CSMD1: variants seen among roughly 807,000 people sequenced by gnomAD.
The protein encoded by CSMD1 is CUB and sushi domain-containing protein 1.
Under a neutral mutation model 417.5 loss-of-function variants are expected in CSMD1, and 213 were observed. The ratio of observed to expected loss-of-function variants is 0.51; its 90% confidence interval spans 0.46 to 0.57. CSMD1 has a LOEUF of 0.57. Ranked by LOEUF, CSMD1 falls within the 20% of genes least tolerant of loss-of-function variation. CSMD1 has a pLI of 0.00. For missense variants in CSMD1, 6,923 were observed against 4,529.7 expected (o/e 1.53, Z -15.17); for synonymous variants, 2,862 against 1,736.8 (o/e 1.65, Z -16.11).
At chr8:3,617,948 G>C (rs1167196434) in intron 7 of CSMD1, among the ~76,000 whole-genome samples, 1 of 152,122 alleles carries the variant, frequency 6.6e-6, no homozygotes, top group East Asian at 1.9e-4. Context: ...TGTGGAACTC[G>C]TGAAGCATTT....
chr8:4,554,482 A>G (rs1014190990), intron 2 of CSMD1, among the ~76,000 whole-genome samples: 1 of 152,170 alleles, frequency 6.6e-6, no homozygotes, highest in Non-Finnish European at 1.5e-5. Context: ...TAATAATTTG[A>G]GAATCTGGAA....
chr8:3,061,534 G>A (rs987429908), intron 49 of CSMD1, among the ~76,000 whole-genome samples: 1 of 152,168 alleles, frequency 6.6e-6, no homozygotes, highest in Non-Finnish European at 1.5e-5. Flanking sequence ...ACTGGGAGAC[G>A]TGAAGCTTAA....
At chr8:4,841,624 G>T (rs1227733295) in intron 1 of CSMD1, among the ~76,000 whole-genome samples, 1 of 151,998 alleles carries the variant, frequency 6.6e-6, no homozygotes, top group African/African-American at 2.4e-5. Context: ...TAGAAGTTCA[G>T]AACAGGTCAG....
chr8:3,725,830 C>T (rs1802460006), intron 6 of CSMD1, among the ~76,000 whole-genome samples: 1 of 152,142 alleles, frequency 6.6e-6, no homozygotes, highest in East Asian at 1.9e-4. Context: ...AGTATCTCAA[C>T]CCATGTATTC....
intron 25 of CSMD1, among the ~76,000 whole-genome samples, chr8:3,297,850 A>C (rs1804087192): frequency 6.6e-6 from 1 of 151,888 alleles, no homozygotes; most frequent in Non-Finnish European, 1.5e-5. Context: ...TAAAGAAAAA[A>C]AATGAGTAAA....
At chr8:3,949,858 C>A in intron 5 of CSMD1, 1 of 454,948 alleles carries the variant, frequency 2.2e-6, no homozygotes, top group Admixed American at 2.4e-5. Context: ...TCCCTGGGGA[C>A]ATGGCCTCCT....
At position 3,367,277 on chromosome 8, in the gene CSMD1, G is replaced by A. The variant is rs371108751; in HGVS notation, c.2900-30C>T. ...GAAATGAAGCCGGGGGAGAGAGAGA[G>A]AGACAGAGAGAGACACACGGGGCGG... On this transcript the variant is annotated intron_variant, in intron 19 of 69. Transcript: ENST00000635120. The A allele has an allele frequency of 2.2e-3, 3,229 of 1,493,006 alleles. 5 individuals are homozygous for A. The highest frequency in any genetic ancestry group is 2.8e-3 in the Non-Finnish European group (3,049 of 1,086,434). 92.5% of individuals were successfully genotyped at this position (1,493,006 alleles called of 1,614,324 possible). A position where few individuals can be genotyped will look rare whatever the true frequency, so the allele number is the denominator to read the frequency against.
intron 2 of CSMD1, among the ~76,000 whole-genome samples, chr8:4,627,887 G>A (rs1052313277): frequency 3.9e-5 from 6 of 152,088 alleles, no homozygotes; most frequent in Non-Finnish European, 7.4e-5. Context: ...CTGTATGGCA[G>A]ACACTTCTTT....
intron 7 of CSMD1, among the ~76,000 whole-genome samples, chr8:3,623,128 G>C (rs1285444827): frequency 6.6e-6 from 1 of 152,148 alleles, no homozygotes; most frequent in Non-Finnish European, 1.5e-5. Flanking sequence ...TGGATGATCA[G>C]ATATAAATTA....
intron 7 of CSMD1, among the ~76,000 whole-genome samples, chr8:3,632,321 G>A (rs999827001): frequency 2.6e-5 from 4 of 151,990 alleles, no homozygotes; most frequent in African/African-American, 9.7e-5. Flanking sequence ...AGCCCCGTTC[G>A]CCTTCTTGGA....
At chr8:4,890,287 T>C (rs150364680) in intron 1 of CSMD1, among the ~76,000 whole-genome samples, 37 of 152,186 alleles carry the variant, frequency 2.4e-4, no homozygotes, top group African/African-American at 8.9e-4. Context: ...GAAATGCAAA[T>C]GTCTACGAAG....
chr8:3,405,474 C>T (rs1253534223), intron 15 of CSMD1, among the ~76,000 whole-genome samples: 1 of 152,116 alleles, frequency 6.6e-6, no homozygotes, highest in Non-Finnish European at 1.5e-5. Flanking sequence ...TAACCATAAG[C>T]AACACTGTTA....
At chr8:4,300,806 T>C (rs1259296637) in intron 3 of CSMD1, among the ~76,000 whole-genome samples, 2 of 152,296 alleles carry the variant, frequency 1.3e-5, no homozygotes, top group Admixed American at 6.5e-5. Flanking sequence ...GTCCTGGCAA[T>C]AGTTTGCTGA....
intron 23 of CSMD1, among the ~76,000 whole-genome samples, chr8:3,316,813 G>T (rs145946178): frequency 2.8e-3 from 425 of 152,254 alleles, no homozygotes; most frequent in Non-Finnish European, 4.7e-3. Context: ...AGGCAACGGA[G>T]AAGACTGCAC....
intron 3 of CSMD1, among the ~76,000 whole-genome samples, chr8:4,411,785 G>C (rs186817173): frequency 1.3e-5 from 2 of 152,176 alleles, no homozygotes. Flanking sequence ...CACCAAAATG[G>C]AATCACGTGG....
intron 8 of CSMD1, among the ~76,000 whole-genome samples, chr8:3,587,047 G>T (rs1355395483): frequency 6.6e-6 from 1 of 152,166 alleles, no homozygotes; most frequent in Non-Finnish European, 1.5e-5. Flanking sequence ...TGATTCACCT[G>T]CCTCAGCCTC....
In CSMD1 at chr8:4,088,286, G is replaced by C. The variant is rs967494515; in HGVS notation, c.416-56187C>G. ...CGTGTTCCCACTTCTCAATTGCATG[G>C]CCATTGAATACAGCCTGCAAAGCTA... On this transcript the variant is annotated intron_variant, in intron 3 of 69. Transcript: ENST00000635120. 2.0e-5 allele frequency among the ~76,000 whole-genome samples: 3 copies of C among 152,304 alleles called. No individual in the cohort carries two copies. In the South Asian group the frequency reaches 6.2e-4, roughly 32 times the overall value.
chr8:3,706,325 G>A (rs1457981607), intron 7 of CSMD1, among the ~76,000 whole-genome samples: 1 of 152,232 alleles, frequency 6.6e-6, no homozygotes, highest in African/African-American at 2.4e-5. Flanking sequence ...GCTATTGAAT[G>A]CTTGCCTGTC....
chr8:4,057,096 C>G (rs545436788), intron 3 of CSMD1, among the ~76,000 whole-genome samples: 5 of 152,274 alleles, frequency 3.3e-5, no homozygotes, highest in Non-Finnish European at 7.4e-5. Flanking sequence ...TTCTAGATCC[C>G]TGAGGAATCG....
Sources: gnomAD v4.1 joint callset for allele counts (sites outside exome capture counted in the v4.1 genomes callset) on GRCh38, gnomAD v4.1.1 for gene constraint, MANE v1.5 for transcripts, NCBI Gene and HGNC (gene_info 2026-07-23, HGNC 2026-07-21) for gene names.